Variants in PCDHA4 observed in about 807,000 individuals in gnomAD.
The protein encoded by PCDHA4 is protocadherin alpha-4.
A neutral mutation model predicts 61.4 loss-of-function variants in PCDHA4; 49 were observed. That is an observed-to-expected ratio of 0.80 (90% CI 0.63 to 1.01). The LOEUF (loss-of-function observed/expected upper bound fraction) is 1.01, where lower values mean the gene tolerates loss of function less well. Among genes scored for constraint, PCDHA4 ranks in the 50% least tolerant of loss-of-function variants. The probability of loss-of-function intolerance (pLI) is 0.00; values close to 1 mark genes in which losing one functional copy is unlikely to be tolerated. For synonymous variants in PCDHA4, 590 were observed against 550.3 expected (o/e 1.07, Z -1.01); for missense variants, 1,254 against 1,235.8 (o/e 1.01, Z -0.22).
intron 1 of PCDHA4, chr5:140,847,368 A>G (rs1038901012): frequency 6.7e-6 from 1 of 149,822 alleles, no homozygotes; most frequent in African/African-American, 2.4e-5. Flanking sequence ...AATACGAAAT[A>G]AAAGATAAAT....
chr5:140,945,526 A>T (rs1466059696), intron 1 of PCDHA4, among the ~76,000 whole-genome samples: 2 of 152,130 alleles, frequency 1.3e-5, no homozygotes, highest in African/African-American at 4.8e-5. Context: ...AATAAATAAA[A>T]CAAAACATAC....
chr5:140,882,070 CA>C, intron 1 of PCDHA4: 1 of 854,288 alleles, frequency 1.2e-6, no homozygotes, highest in Non-Finnish European at 1.8e-6. Flanking sequence ...CGTTCATGCG[CA>C]TGGTGTCGCT....
intron 1 of PCDHA4, chr5:140,822,615 T>C (rs2150117790): frequency 1.2e-6 from 2 of 1,611,632 alleles, no homozygotes; most frequent in Non-Finnish European, 1.7e-6. Context: ...TGTATTTCTT[T>C]AGTAATCTTG....
intron 1 of PCDHA4, chr5:140,829,634 G>C (rs2150171830): frequency 4.0e-5 from 64 of 1,612,200 alleles, no homozygotes; most frequent in South Asian, 6.6e-5. Flanking sequence ...CGCGGAGAGC[G>C]GCAAGGTGTA....
rs1554181482 is a variant in PCDHA4, at chr5:140,884,371, C to G, written c.2385+74799C>G. The stretch of plus-strand genomic sequence containing the variant: ...TGGTGGATGTCAATGTTTACTTGAT[C>G]ATTGCCATCTGCGCGGTGTCCAGCC... On this transcript the variant is annotated intron_variant, in intron 1 of 3. Coordinates refer to ENST00000530339, the MANE Select transcript of PCDHA4 (RefSeq NM_018907.4). 2 of 1,613,948 alleles carry G rather than the reference C, an allele frequency of 1.2e-6. No homozygotes were observed. Among genetic ancestry groups the G allele is most frequent in the African/African-American group, 2.7e-5 (2 of 75,052 alleles).
At chr5:140,944,865 T>G (rs1227128611) in intron 1 of PCDHA4, among the ~76,000 whole-genome samples, 3 of 152,166 alleles carry the variant, frequency 2.0e-5, no homozygotes, top group Non-Finnish European at 4.4e-5. Flanking sequence ...TTATTTATCT[T>G]AACCACCTAC....
chr5:140,829,466 G>T lies in PCDHA4; in HGVS notation c.2385+19894G>T, dbSNP rs2150168443. The T allele has an allele frequency of 1.9e-6, 3 of 1,613,882 alleles. No homozygotes were observed. The South Asian group carries it at 3.3e-5, about 18-fold the overall frequency. ...CAATGCTCCGGCGTTCGCGCAGCCC[G>T]AGTACACAGTGTTCGTGAAGGAGAA... On this transcript the variant is annotated intron_variant, in intron 1 of 3. Coordinates refer to ENST00000530339, the MANE Select transcript of PCDHA4 (RefSeq NM_018907.4).
chr5:140,884,500 G>C (rs782378726), intron 1 of PCDHA4: 10 of 1,614,004 alleles, frequency 6.2e-6, no homozygotes, highest in Admixed American at 3.3e-5. Flanking sequence ...GCTCCAGCGC[G>C]GCAGGGAGTT....
At chr5:140,904,436 T>C (rs1554191522) in intron 1 of PCDHA4, among the ~76,000 whole-genome samples, 1 of 151,240 alleles carries the variant, frequency 6.6e-6, no homozygotes, top group Admixed American at 6.6e-5. Flanking sequence ...TATATATGTA[T>C]ATTACAATTT....
chr5:140,895,763 T>C (rs1291731285), intron 1 of PCDHA4, among the ~76,000 whole-genome samples: 2 of 152,170 alleles, frequency 1.3e-5, no homozygotes, highest in East Asian at 1.9e-4. Context: ...TTTTCTTTCT[T>C]TATGGCTGCA....
chr5:140,883,393 C>G, intron 1 of PCDHA4: 1 of 1,614,160 alleles, frequency 6.2e-7, no homozygotes, highest in South Asian at 1.1e-5. Context: ...TCAGTGTGTC[C>G]GATCGTGACT....
chr5:140,877,268 C>T, intron 1 of PCDHA4: 1 of 1,613,828 alleles, frequency 6.2e-7, no homozygotes, highest in South Asian at 1.1e-5. Flanking sequence ...GCGGTGGACG[C>T]TGACTCCGGC....
At chr5:140,862,972 C>T (rs1554157331) in intron 1 of PCDHA4, 1 of 545,254 alleles carries the variant, frequency 1.8e-6, no homozygotes, top group Non-Finnish European at 3.6e-6. Flanking sequence ...ATGCAGGCCA[C>T]TTGGTGGCGA....
chr5:140,869,040 G>A, intron 1 of PCDHA4: 23 of 1,529,286 alleles, frequency 1.5e-5, no homozygotes, highest in Non-Finnish European at 1.9e-5. Flanking sequence ...TTTTTAACCT[G>A]AAACTGAAGA....
intron 1 of PCDHA4, among the ~76,000 whole-genome samples, chr5:140,951,868 G>A (rs1325001328): frequency 2.6e-5 from 4 of 152,132 alleles, no homozygotes; most frequent in African/African-American, 9.7e-5. Flanking sequence ...AGTCTCATCT[G>A]AGACAAGGCA....
chr5:140,978,789 A>G (rs2153817382), intron 1 of PCDHA4, 160 bp from the exon 2 acceptor site: 22 of 974,564 alleles, frequency 2.3e-5, no homozygotes, highest in Non-Finnish European at 2.6e-5. Flanking sequence ...CTAAAGTGCT[A>G]TATATGTAGA....
At chr5:140,938,947 A>AT (rs1554212493) in intron 1 of PCDHA4, among the ~76,000 whole-genome samples, 1 of 152,094 alleles carries the variant, frequency 6.6e-6, no homozygotes, top group Non-Finnish European at 1.5e-5. Flanking sequence ...CATTCTTATA[A>AT]TGCTCTAGTC....
chr5:140,869,430 C>T (rs73793507), intron 1 of PCDHA4: 3 of 1,614,154 alleles, frequency 1.9e-6, no homozygotes, highest in South Asian at 2.2e-5. Context: ...TGGAGGTGAT[C>T]GTGGACAGGC....
chr5:140,927,218 A>T, intron 1 of PCDHA4: 1 of 1,614,090 alleles, frequency 6.2e-7, no homozygotes, highest in Non-Finnish European at 8.5e-7. Flanking sequence ...GAGCTGCACA[A>T]GATTCGGATT....
Sources: allele counts gnomAD v4.1 joint callset (sites outside exome capture counted in the v4.1 genomes callset), GRCh38; gene constraint gnomAD v4.1.1; transcripts MANE v1.5; gene names NCBI Gene and HGNC (gene_info 2026-07-23, HGNC 2026-07-21).